The following FSTL5 variants were observed in gnomAD, a reference collection of about 807,000 sequenced individuals.
FSTL5 encodes follistatin like 5.
Under a neutral mutation model 89.1 loss-of-function variants are expected in FSTL5, and 62 were observed. That is an observed-to-expected ratio of 0.70 (90% confidence interval 0.57 to 0.86). FSTL5 has a LOEUF of 0.86. FSTL5 is among the 40% of genes least tolerant of loss of function. The pLI is 0.00. For synonymous variants in FSTL5, 383 were observed against 346.2 expected, an observed-to-expected ratio of 1.11 and a Z score of -1.18; for missense variants, 1,057 against 1,001.6, an observed-to-expected ratio of 1.06 and a Z score of -0.75.
At chr4:161,683,857 T>C (rs1737610867) in intron 6 of FSTL5, among the ~76,000 whole-genome samples, 1 of 152,168 alleles carries the variant, frequency 6.6e-6, no homozygotes, top group Admixed American at 6.6e-5. Context: ...CCGAGCAAAA[T>C]ACACTGCACC....
intron 3 of FSTL5, among the ~76,000 whole-genome samples, chr4:161,951,944 T>C (rs1363669675): frequency 6.6e-6 from 1 of 152,036 alleles, no homozygotes; most frequent in Non-Finnish European, 1.5e-5. Flanking sequence ...AAGATTTAGA[T>C]GTACTATAAA....
chr4:161,411,469 T>A (rs1002952305), intron 15 of FSTL5, among the ~76,000 whole-genome samples: 2 of 152,034 alleles, frequency 1.3e-5, no homozygotes, highest in African/African-American at 4.8e-5. Context: ...TCCAGTAGCA[T>A]ATCAAAAAGT....
intron 7 of FSTL5, among the ~76,000 whole-genome samples, chr4:161,633,608 G>A (rs969854007): frequency 6.6e-6 from 1 of 152,010 alleles, no homozygotes; most frequent in African/African-American, 2.4e-5. Flanking sequence ...GCCTCCCAAA[G>A]TGCTGGGATT....
chr4:162,159,894 C>CA (rs1006153051), intron 1 of FSTL5, among the ~76,000 whole-genome samples: 15 of 151,432 alleles, frequency 9.9e-5, no homozygotes, highest in African/African-American at 3.6e-4. Context: ...ATTTTAATGC[C>CA]AAAAAAACTG....
intron 1 of FSTL5, among the ~76,000 whole-genome samples, chr4:162,119,036 A>G (rs1731755925): frequency 6.6e-6 from 1 of 152,120 alleles, no homozygotes; most frequent in Non-Finnish European, 1.5e-5. Flanking sequence ...AGACTGGGCA[A>G]TATAGCAAGA....
chr4:161,929,120 T>A (rs762902668), intron 3 of FSTL5, among the ~76,000 whole-genome samples: 2 of 151,492 alleles, frequency 1.3e-5, no homozygotes, highest in Non-Finnish European at 3.0e-5. Flanking sequence ...TCCTCCCTCC[T>A]TCCCTCCCTC....
chr4:161,421,372 C>T (rs1731986117), intron 15 of FSTL5, among the ~76,000 whole-genome samples: 1 of 151,736 alleles, frequency 6.6e-6, no homozygotes, highest in Admixed American at 6.6e-5. Flanking sequence ...CAGTAGATAG[C>T]CTAGCACAAA....
chr4:161,872,828 TTTTA>T (rs1579159030), intron 4 of FSTL5, among the ~76,000 whole-genome samples: 1 of 152,202 alleles, frequency 6.6e-6, no homozygotes, highest in Non-Finnish European at 1.5e-5. Flanking sequence ...GGATTATGTT[TTTTA>T]TTTGAGAAAC....
intron 3 of FSTL5, among the ~76,000 whole-genome samples, chr4:161,944,802 T>G (rs1734692576): frequency 6.6e-6 from 1 of 151,794 alleles, no homozygotes; most frequent in East Asian, 1.9e-4. Context: ...TAATTTATAA[T>G]TTTGTTTGTT....
chr4:162,063,812 C>T lies in FSTL5; in HGVS notation c.127-30154G>A, dbSNP rs115661630. ...TTGAATTAATAATGGTCTCCATCTC[C>T]TAATACTTTTCTAGCAAGATATTCT... On this transcript the variant is annotated intron_variant, in intron 2 of 15. Coordinates refer to ENST00000306100, the MANE Select transcript of FSTL5 (RefSeq NM_020116.5). Among the ~76,000 whole-genome samples the T allele has an allele frequency of 7.7e-3, 1,176 of 151,982 alleles. 10 individuals carry two copies. The highest frequency in any genetic ancestry group is 0.034 in the Middle Eastern group (10 of 294).
At chr4:161,882,453 C>T (rs1036323219) in intron 4 of FSTL5, among the ~76,000 whole-genome samples, 7 of 152,004 alleles carry the variant, frequency 4.6e-5, no homozygotes, top group South Asian at 4.2e-4. Flanking sequence ...ACATTCAGAC[C>T]GCTTTTGCCA....
chr4:161,656,185 T>A, intron 7 of FSTL5, 143 bp downstream of exon 7: 1 of 438,260 alleles, frequency 2.3e-6, no homozygotes, highest in Non-Finnish European at 3.9e-6. Flanking sequence ...GCACCTCTCA[T>A]TCCGTAGATT....
intron 3 of FSTL5, among the ~76,000 whole-genome samples, chr4:161,943,093 G>T (rs190179777): frequency 7.2e-5 from 11 of 151,948 alleles, no homozygotes; most frequent in African/African-American, 2.7e-4. Flanking sequence ...GCATGGAAAA[G>T]AATAAAACAT....
intron 6 of FSTL5, among the ~76,000 whole-genome samples, chr4:161,758,873 A>G (rs1740678660): frequency 6.6e-6 from 1 of 152,214 alleles, no homozygotes; most frequent in South Asian, 2.1e-4. Flanking sequence ...TAATCAAGTC[A>G]TCTTTATGAC....
At chr4:161,732,413 T>C (rs1328166772) in intron 6 of FSTL5, among the ~76,000 whole-genome samples, 2 of 152,032 alleles carry the variant, frequency 1.3e-5, no homozygotes, top group African/African-American at 4.8e-5. Flanking sequence ...GTTGGATACA[T>C]GGTTTTAAAA....
chr4:161,692,092 C>T (rs1183801617), intron 6 of FSTL5, among the ~76,000 whole-genome samples: 1 of 151,382 alleles, frequency 6.6e-6, no homozygotes, highest in Admixed American at 6.6e-5. Flanking sequence ...TAACTGTTTT[C>T]ATGTATGACT....
intron 3 of FSTL5, among the ~76,000 whole-genome samples, chr4:162,027,560 A>G (rs1018736245): frequency 6.6e-6 from 1 of 152,086 alleles, no homozygotes; most frequent in African/African-American, 2.4e-5. Context: ...CATAAATCTC[A>G]CTCACATAAA....
intron 15 of FSTL5, among the ~76,000 whole-genome samples, chr4:161,432,855 C>T (rs1278119724): frequency 1.3e-5 from 2 of 151,900 alleles, no homozygotes; most frequent in African/African-American, 4.8e-5. Flanking sequence ...TTCCTGGATA[C>T]ATACAATCTA....
intron 15 of FSTL5, among the ~76,000 whole-genome samples, chr4:161,422,819 A>G (rs1732036147): frequency 6.6e-6 from 1 of 151,232 alleles, no homozygotes; most frequent in African/African-American, 2.5e-5. Context: ...AAAAGAAGTC[A>G]GCGTTGCTTT....
Sources: gnomAD v4.1 joint callset for allele counts (sites outside exome capture counted in the v4.1 genomes callset) on GRCh38, gnomAD v4.1.1 for gene constraint, MANE v1.5 for transcripts, NCBI Gene and HGNC (gene_info 2026-07-23, HGNC 2026-07-21) for gene names.